The following AKT3 variants were observed in gnomAD, a reference collection of about 807,000 sequenced individuals.
AKT3 encodes RAC-gamma serine/threonine-protein kinase.
A neutral mutation model predicts 65.3 loss-of-function variants in AKT3; 15 were observed. That is an observed-to-expected ratio of 0.23 (90% CI 0.15 to 0.35). AKT3 has a LOEUF of 0.35. AKT3 is among the 10% of genes least tolerant of loss of function. The pLI is 1.00. For synonymous variants in AKT3, 206 were observed against 183.8 expected (o/e 1.12, Z -0.98); for missense variants, 243 against 576.5 (o/e 0.42, Z 5.92).
chr1:243,667,281 A>G (rs1048595365), intron 3 of AKT3, among the ~76,000 whole-genome samples: 1 of 152,136 alleles, frequency 6.6e-6, no homozygotes, highest in Non-Finnish European at 1.5e-5. Context: ...CTGAGTGACT[A>G]TGTAAGTTAA....
chr1:243,581,738 C>G (rs1250052584), intron 8 of AKT3, among the ~76,000 whole-genome samples: 1 of 151,694 alleles, frequency 6.6e-6, no homozygotes, highest in Non-Finnish European at 1.5e-5. Flanking sequence ...AGAAATGGTC[C>G]CTAACCAAAA....
intron 6 of AKT3, among the ~76,000 whole-genome samples, chr1:243,635,750 G>C (rs1679928858): frequency 6.6e-6 from 1 of 151,992 alleles, no homozygotes; most frequent in Non-Finnish European, 1.5e-5. Context: ...CACCACTGTA[G>C]TCAAGCAATC....
rs138565455 is a variant in AKT3 at position 243,544,705 on chromosome 1, GTTTTTTT to G, written c.1251+798_1251+804del. Among the ~76,000 whole-genome samples, 1,002 of 142,322 alleles carry G rather than the reference GTTTTTTT, an allele frequency of 7.0e-3. 10 individuals are homozygous for G. Among genetic ancestry groups the G allele is most frequent in the African/African-American group, 0.025 (950 of 38,068 alleles). The allele number at this position is 142,322 out of a possible 152,430, so 93.4% of individuals were successfully genotyped here. A position where few individuals can be genotyped will look rare whatever the true frequency, so the allele number is the denominator to read the frequency against. On this transcript the variant is annotated intron_variant, in intron 12 of 13. Coordinates refer to ENST00000673466, the MANE Select transcript of AKT3 (RefSeq NM_005465.7). ...AATTAGTAGTGGTTTTTTGTTTTTT[GTTTTTTT>G]TTTTTTTAAGAGATTGGGTCTCACT...
intron 2 of AKT3, among the ~76,000 whole-genome samples, chr1:243,710,314 AAAC>A (rs1686065671): frequency 6.6e-6 from 1 of 152,218 alleles, no homozygotes; most frequent in African/African-American, 2.4e-5. Context: ...TTTTTATAAA[AAAC>A]AACAAAAATT....
chr1:243,775,612 G>C (rs187605413), intron 2 of AKT3, among the ~76,000 whole-genome samples: 7 of 152,304 alleles, frequency 4.6e-5, no homozygotes, highest in Admixed American at 4.6e-4. Context: ...AAAAACGAAA[G>C]AATAGGAATT....
intron 12 of AKT3, among the ~76,000 whole-genome samples, chr1:243,526,318 A>G (rs948748544): frequency 6.6e-6 from 1 of 152,102 alleles, no homozygotes; most frequent in Non-Finnish European, 1.5e-5. Context: ...AAAAGCTGGG[A>G]CTTTCATCAT....
At chr1:243,661,271 C>T (rs1305294883) in intron 4 of AKT3, among the ~76,000 whole-genome samples, 1 of 152,206 alleles carries the variant, frequency 6.6e-6, no homozygotes, top group African/African-American at 2.4e-5. Flanking sequence ...GCCAAAAGAA[C>T]AAAGCTGGAG....
intron 2 of AKT3, among the ~76,000 whole-genome samples, chr1:243,764,448 A>G (rs1047780687): frequency 6.6e-6 from 1 of 152,104 alleles, no homozygotes; most frequent in African/African-American, 2.4e-5. Flanking sequence ...CTGAGAGTAC[A>G]ATTCCCTATA....
intron 13 of AKT3, among the ~76,000 whole-genome samples, chr1:243,511,771 T>A (rs1670029537): frequency 6.6e-6 from 1 of 152,214 alleles, no homozygotes; most frequent in African/African-American, 2.4e-5. Flanking sequence ...ATGAATTGAC[T>A]TGAAGTGGTA....
chr1:243,654,241 CA>C (rs1178790971), intron 4 of AKT3, among the ~76,000 whole-genome samples: 1 of 152,108 alleles, frequency 6.6e-6, no homozygotes, highest in African/African-American at 2.4e-5. Flanking sequence ...AGCAACCTCA[CA>C]AAAAATTAAC....
chr1:243,671,536 T>A (rs1279982831), intron 3 of AKT3, among the ~76,000 whole-genome samples: 2 of 152,156 alleles, frequency 1.3e-5, no homozygotes, highest in African/African-American at 2.4e-5. Context: ...TTTAATGTTT[T>A]CACTAGGGGC....
chr1:243,558,671 T>A (rs1558614172), intron 10 of AKT3, among the ~76,000 whole-genome samples: 1 of 152,092 alleles, frequency 6.6e-6, no homozygotes, highest in Non-Finnish European at 1.5e-5. Context: ...GATTATCAAA[T>A]AATTTTTATT....
At chr1:243,532,162 G>GA (rs1671579666) in intron 12 of AKT3, among the ~76,000 whole-genome samples, 1 of 152,136 alleles carries the variant, frequency 6.6e-6, no homozygotes, top group Non-Finnish European at 1.5e-5. Flanking sequence ...CAGAAATGTT[G>GA]AAAGTGGTAT....
intron 2 of AKT3, among the ~76,000 whole-genome samples, chr1:243,699,953 A>T (rs1337618739): frequency 6.6e-6 from 1 of 152,160 alleles, no homozygotes; most frequent in Admixed American, 6.5e-5. Context: ...CAGAAGCAAG[A>T]AGAGACAACA....
chr1:243,661,297 A>C (rs1444070490), intron 4 of AKT3, among the ~76,000 whole-genome samples: 1 of 152,212 alleles, frequency 6.6e-6, no homozygotes, highest in Non-Finnish European at 1.5e-5. Flanking sequence ...ATGCTACCTG[A>C]CTTCAAACTA....
intron 2 of AKT3, among the ~76,000 whole-genome samples, chr1:243,801,065 G>A (rs1692351980): frequency 6.6e-6 from 1 of 152,176 alleles, no homozygotes; most frequent in South Asian, 2.1e-4. Flanking sequence ...ACTCACTGGT[G>A]TGCTAATTGA....
chr1:243,573,999 G>T (rs908366609), intron 8 of AKT3, among the ~76,000 whole-genome samples: 4 of 152,120 alleles, frequency 2.6e-5, no homozygotes, highest in Non-Finnish European at 4.4e-5. Context: ...ATTGTTTACA[G>T]TGCTGAGTAT....
chr1:243,489,779 C>A (rs548128724), intron 13 of AKT3, among the ~76,000 whole-genome samples: 134 of 152,304 alleles, frequency 8.8e-4, no homozygotes, highest in Middle Eastern at 3.4e-3. Context: ...AGTAGGGACA[C>A]CGCAAACGGA....
At chr1:243,517,116 C>A (rs1670410076) in intron 12 of AKT3, among the ~76,000 whole-genome samples, 1 of 151,968 alleles carries the variant, frequency 6.6e-6, no homozygotes. Flanking sequence ...TATTTAGTTT[C>A]CAAGAACTTG....
Sources: allele counts gnomAD v4.1 joint callset (sites outside exome capture counted in the v4.1 genomes callset), GRCh38; gene constraint gnomAD v4.1.1; transcripts MANE v1.5; gene names NCBI Gene and HGNC (gene_info 2026-07-23, HGNC 2026-07-21).